SNTG2: variants seen among roughly 807,000 people sequenced by gnomAD.
SNTG2 encodes gamma-2-syntrophin.
SNTG2 carries 74 observed loss-of-function variants against 70.9 expected under a neutral mutation model. The observed-to-expected ratio is 1.04, with a 90% CI of 0.86 to 1.27. The LOEUF (loss-of-function observed/expected upper bound fraction) is 1.27. Ranked by LOEUF, SNTG2 falls within the 50% of genes most tolerant of loss-of-function variation. The pLI is 0.00. For missense variants in SNTG2, 717 were observed against 690.7 expected (o/e 1.04, Z -0.43); for synonymous variants, 278 against 273.8 (o/e 1.02, Z -0.15).
At chr2:963,135 TA>T (rs34242020) in intron 1 of SNTG2, among the ~76,000 whole-genome samples, 93 of 150,176 alleles carry the variant, frequency 6.2e-4, no homozygotes, top group Non-Finnish European at 9.2e-4. Context: ...GAGCTTTTTT[TA>T]AAAAAAAAAC....
At chr2:959,580 G>A (rs969502011) in intron 1 of SNTG2, among the ~76,000 whole-genome samples, 6 of 151,974 alleles carry the variant, frequency 3.9e-5, no homozygotes, top group African/African-American at 7.2e-5. Context: ...TGGTGTTCCC[G>A]CAGTGGGCTG....
chr2:1,251,540 CAT>C (rs1166940677), intron 12 of SNTG2, among the ~76,000 whole-genome samples: 1 of 144,964 alleles, frequency 6.9e-6, no homozygotes, highest in Non-Finnish European at 1.5e-5. Flanking sequence ...ACACACATAA[CAT>C]ATGCACACAC....
intron 4 of SNTG2, among the ~76,000 whole-genome samples, chr2:1,114,297 A>C (rs542329473): frequency 2.6e-5 from 4 of 151,988 alleles, no homozygotes; most frequent in South Asian, 4.2e-4. Context: ...TAAACCTTAC[A>C]GTCCTTTGAG....
chr2:1,300,179 A>C (rs1413662950), intron 14 of SNTG2, among the ~76,000 whole-genome samples: 1 of 147,624 alleles, frequency 6.8e-6, no homozygotes, highest in African/African-American at 2.5e-5. Context: ...CATGCAAGAC[A>C]GGTGCCTTAA....
chr2:969,005 A>G (rs1660654618), intron 1 of SNTG2, among the ~76,000 whole-genome samples: 1 of 152,128 alleles, frequency 6.6e-6, no homozygotes, highest in Non-Finnish European at 1.5e-5. Context: ...TAGGTTTTAC[A>G]TCTAAGTCTT....
At chr2:1,133,144 G>A (rs895785121) in intron 4 of SNTG2, among the ~76,000 whole-genome samples, 1 of 152,116 alleles carries the variant, frequency 6.6e-6, no homozygotes, top group South Asian at 2.1e-4. Flanking sequence ...GGACTATGAA[G>A]GTTGTCTGAC....
intron 1 of SNTG2, among the ~76,000 whole-genome samples, chr2:1,007,939 G>A (rs1389994513): frequency 6.6e-6 from 1 of 152,132 alleles, no homozygotes; most frequent in Non-Finnish European, 1.5e-5. Context: ...ATTTTTAGTA[G>A]AGACGGGGTT....
chr2:1,083,548 GAA>G lies in SNTG2; in HGVS notation c.104_105del (p.Glu35GlyfsTer7). On this transcript the variant is annotated frameshift_variant, in exon 2 of 17. Transcript: ENST00000308624. LOFTEE classifies it high-confidence loss of function. Reference sequence around the variant, plus strand: ...AACCACTATTGCTCTGTTGTATGATGAAGAGTCCGAAAATGCCTATGACATCC... The same window carrying G: ...AACCACTATTGCTCTGTTGTATGATGGAGTCCGAAAATGCCTATGACATCC... ...TKTTIALLYD[E>X]ESENAYDIRL... is the part of the protein sequence containing the mutation. 6.2e-7 allele frequency: 1 copy of G among 1,613,726 alleles called. No homozygotes were observed. Among genetic ancestry groups the G allele is most frequent in the African/African-American group, 1.3e-5 (1 of 75,014 alleles).
At chr2:1,087,021 G>A (rs767432897) in intron 2 of SNTG2, among the ~76,000 whole-genome samples, 19 of 152,090 alleles carry the variant, frequency 1.2e-4, no homozygotes, top group Non-Finnish European at 2.1e-4. Context: ...CCTGGAGAGT[G>A]GCCTGGGGTT....
At chr2:1,100,866 A>T (rs190598203) in intron 4 of SNTG2, among the ~76,000 whole-genome samples, 1 of 152,282 alleles carries the variant, frequency 6.6e-6, no homozygotes, top group African/African-American at 2.4e-5. Context: ...GTCAATTCAG[A>T]AGGAAAATCC....
chr2:1,015,807 A>G (rs909296957), intron 1 of SNTG2, among the ~76,000 whole-genome samples: 2 of 152,196 alleles, frequency 1.3e-5, no homozygotes, highest in Non-Finnish European at 2.9e-5. Flanking sequence ...GCAGAGTTGC[A>G]TATCTGGGTG....
intron 15 of SNTG2, among the ~76,000 whole-genome samples, chr2:1,312,972 A>G (rs1681080406): frequency 1.3e-5 from 2 of 152,212 alleles, no homozygotes; most frequent in South Asian, 4.1e-4. Context: ...TCAAGAAACG[A>G]ATTAGGTTTG....
chr2:1,202,177 A>G (rs1572712687), intron 8 of SNTG2, among the ~76,000 whole-genome samples: 1 of 152,100 alleles, frequency 6.6e-6, no homozygotes, highest in African/African-American at 2.4e-5. Context: ...TATCCAATAT[A>G]AACTGTTTCT....
intron 6 of SNTG2, among the ~76,000 whole-genome samples, chr2:1,139,212 T>G (rs867490282): frequency 6.7e-6 from 1 of 148,364 alleles, no homozygotes; most frequent in Non-Finnish European, 1.5e-5. Context: ...GCAACAGTTT[T>G]TTTGTTTGTT....
At chr2:1,011,659 A>G (rs1407271905) in intron 1 of SNTG2, among the ~76,000 whole-genome samples, 2 of 146,714 alleles carry the variant, frequency 1.4e-5, no homozygotes, top group Non-Finnish European at 3.0e-5. Context: ...GTGTATTAAT[A>G]TAAATTAATA....
At chr2:1,124,456 G>A (rs963450206) in intron 4 of SNTG2, among the ~76,000 whole-genome samples, 6 of 151,918 alleles carry the variant, frequency 3.9e-5, no homozygotes, top group Non-Finnish European at 7.4e-5. Context: ...CACCACGCCC[G>A]GCTAATTTTT....
At chr2:1,112,849 C>T (rs1011309008) in intron 4 of SNTG2, among the ~76,000 whole-genome samples, 11 of 150,872 alleles carry the variant, frequency 7.3e-5, no homozygotes, top group African/African-American at 2.7e-4. Context: ...TGAGGTTTAA[C>T]CCTTATACTC....
intron 4 of SNTG2, among the ~76,000 whole-genome samples, chr2:1,119,043 A>G (rs1667215726): frequency 1.3e-5 from 2 of 152,224 alleles, no homozygotes. Context: ...GTCAAGTTGC[A>G]TATAAAGGAA....
At chr2:1,337,859 C>A (rs544309503) in intron 16 of SNTG2, among the ~76,000 whole-genome samples, 2 of 152,172 alleles carry the variant, frequency 1.3e-5, no homozygotes, top group African/African-American at 4.8e-5. Flanking sequence ...GTCCTTGATT[C>A]ATTTGGGGTT....
Sources: allele counts gnomAD v4.1 joint callset (sites outside exome capture counted in the v4.1 genomes callset), GRCh38; gene constraint gnomAD v4.1.1; transcripts MANE v1.5; gene names NCBI Gene and HGNC (gene_info 2026-07-23, HGNC 2026-07-21).